Variants in MEI1 observed in about 807,000 individuals in gnomAD.
MEI1 encodes the protein meiotic double-stranded break formation protein 1.
In MEI1, 103 loss-of-function variants were observed where a neutral mutation model predicts 146.2. The ratio of observed to expected loss-of-function variants is 0.70; its 90% CI spans 0.60 to 0.83. The LOEUF (loss-of-function observed/expected upper bound fraction) is 0.83. Among genes scored for constraint, MEI1 ranks in the 40% least tolerant of loss-of-function variants. The pLI is 0.00. For missense variants in MEI1, 1,529 were observed against 1,533.0 expected (o/e 1.00, Z 0.04); for synonymous variants, 652 against 628.2 (o/e 1.04, Z -0.57).
chr22:41,787,324 TGA>T (rs1342783648), intron 26 of MEI1, among the ~76,000 whole-genome samples: 1 of 151,934 alleles, frequency 6.6e-6, no homozygotes, highest in African/African-American at 2.4e-5. Flanking sequence ...CATACAGCAA[TGA>T]GAGAGTTTTA....
intron 3 of MEI1, chr22:41,709,155 T>TA (rs2069336428): frequency 1.4e-6 from 1 of 727,076 alleles, no homozygotes; most frequent in African/African-American, 1.7e-5. Flanking sequence ...TAAAACTTGA[T>TA]AAAAAATAGT....
At chr22:41,796,962 T>G (rs1033859581) in intron 30 of MEI1, among the ~76,000 whole-genome samples, 1 of 151,978 alleles carries the variant, frequency 6.6e-6, no homozygotes, top group Non-Finnish European at 1.5e-5. Context: ...AAACAAAAAA[T>G]TTTGTTTCAT....
At chr22:41,798,965 T>A (rs150398293) in intron 30 of MEI1, among the ~76,000 whole-genome samples, 1 of 151,760 alleles carries the variant, frequency 6.6e-6, no homozygotes, top group Non-Finnish European at 1.5e-5. Context: ...GACACTGCAG[T>A]CCAGAGATAC....
chr22:41,732,125 C>A, intron 9 of MEI1, 120 bp from the exon 10 acceptor site: 1 of 700,280 alleles, frequency 1.4e-6, no homozygotes, highest in South Asian at 1.8e-5. Flanking sequence ...TTGTCAGGGT[C>A]CCTCCACGAG....
chr22:41,758,286 A>G, intron 17 of MEI1, 79 bp from the exon 18 acceptor site: 2 of 1,377,886 alleles, frequency 1.5e-6, no homozygotes, highest in South Asian at 1.3e-5. Context: ...AGTACTCTGC[A>G]TGTAGTAGGT....
Position 41,718,137 on chromosome 22 carries a change from G to A in MEI1, c.596G>A (p.Cys199Tyr), listed in dbSNP as rs2070385261. 6.2e-7 allele frequency: 1 copy of A among 1,613,802 alleles called. No individual in the cohort carries two copies. Among genetic ancestry groups the A allele is most frequent in the Non-Finnish European group, 8.5e-7 (1 of 1,179,878 alleles). ...YPSEGIQASVCYLYGKLYSSP... is the reference protein window; with the variant it reads ...YPSEGIQASVYYLYGKLYSSP... ...AGTGAGGGCATACAAGCTTCTGTCT[G>A]TTACCTTTATGGGAAGCTATACTCC... is the stretch of plus-strand genomic sequence containing the variant. The change falls in exon 6 of 31, where the codon TGT becomes TAT. Residue 199 changes from cysteine to tyrosine, a missense_variant. Physicochemically the swap from Cys to Tyr is radical, Grantham distance 194. Transcript: ENST00000401548.
At position 41,745,937 on chromosome 22, in the gene MEI1, G is replaced by C; in HGVS notation, c.1591G>C (p.Ala531Pro). The C allele has an allele frequency of 1.9e-6, 3 of 1,613,520 alleles. No homozygotes were observed. In the South Asian group the frequency reaches 3.3e-5, roughly 18 times the overall value. The change falls in exon 14 of 31, where the codon GCT (alanine) becomes CCT (proline). Residue 531 changes from alanine (A) to proline (P), a missense_variant. By Grantham distance (27) the Ala-to-Pro change is conservative. Around this residue, in one of 3 missense-constraint regions of MEI1, gnomAD observed 1,212 missense variants for 1,178.9 expected, o/e 1.03. Coordinates refer to ENST00000401548, the MANE Select transcript of MEI1 (RefSeq NM_152513.4). ...TTCAGCCCAGGAGAATCCATTCACAGCTCCCAGCGCCAAGAAGGAAGACAC... is the reference window on the plus strand; with the variant it reads ...TTCAGCCCAGGAGAATCCATTCACACCTCCCAGCGCCAAGAAGGAAGACAC... ...EPSAQENPFTAPSAKKEDTLE... is the reference protein window; with the variant it reads ...EPSAQENPFTPPSAKKEDTLE...
rs571759434 is a variant in MEI1, at chr22:41,777,538, T to C, written c.2711-1170T>C. On this transcript the variant is annotated intron_variant, in intron 21 of 30. Coordinates refer to ENST00000401548, the MANE Select transcript of MEI1 (RefSeq NM_152513.4). The stretch of plus-strand genomic sequence containing the variant: ...GAGGGTTTGGAAGTAGATTTAAAGG[T>C]GTCAAGAGGAGATGAGTTATTTCTT... Among the ~76,000 whole-genome samples, 314 of 152,226 alleles carry C rather than the reference T, an allele frequency of 2.1e-3. 1 individual carries two copies. The highest frequency in any genetic ancestry group is 2.8e-3 in the Non-Finnish European group (191 of 68,012).
intron 8 of MEI1, 91 bp downstream of exon 8, chr22:41,729,870 G>A (rs2071704471): frequency 2.8e-6 from 2 of 725,576 alleles, no homozygotes; most frequent in Admixed American, 3.6e-5. Flanking sequence ...TATGAACTAT[G>A]TCTCATAACA....
At chr22:41,775,142 T>C (rs1190164610) in intron 20 of MEI1, among the ~76,000 whole-genome samples, 2 of 152,214 alleles carry the variant, frequency 1.3e-5, no homozygotes, top group Non-Finnish European at 2.9e-5. Context: ...GCTTTCTGAC[T>C]GGCTTTGTCT....
At chr22:41,792,618 G>T (rs962360478) in intron 26 of MEI1, among the ~76,000 whole-genome samples, 15 of 152,142 alleles carry the variant, frequency 9.9e-5, no homozygotes, top group African/African-American at 3.4e-4. Context: ...AAGAAGGGCT[G>T]TGGGCACTGG....
rs556997024 is a variant in MEI1, at chr22:41,751,378, C to T, written c.1793-1213C>T. Among the ~76,000 whole-genome samples the T allele has an allele frequency of 2.0e-5, 3 of 152,188 alleles. No individual in the cohort carries two copies. The South Asian group carries it at 6.2e-4, about 31-fold the overall frequency. On this transcript the variant is annotated intron_variant, in intron 15 of 30. Coordinates refer to ENST00000401548, the MANE Select transcript of MEI1 (RefSeq NM_152513.4). ...GTCTTTATCTAGGATTCTGCTTTTACAGTGGCCCAGGGAAGGCAGAACAGA... is the reference window on the plus strand; with the variant it reads ...GTCTTTATCTAGGATTCTGCTTTTATAGTGGCCCAGGGAAGGCAGAACAGA...
rs551006116 is a variant in MEI1, at chr22:41,744,233, C to T, written c.1447-740C>T. Among the ~76,000 whole-genome samples the T allele has an allele frequency of 5.9e-5, 9 of 151,490 alleles. No individual in the cohort carries two copies. The East Asian group carries it at 1.7e-3, about 29-fold the overall frequency. On this transcript the variant is annotated intron_variant, in intron 12 of 30. Coordinates refer to ENST00000401548, the MANE Select transcript of MEI1 (RefSeq NM_152513.4). ...TTGCCCAGGCTGGAGTGCAGTGGTG[C>T]GATTTTGGCTCACTGCAACCTTCGC...
chr22:41,748,249 G>A (rs1238329894), intron 15 of MEI1, 31 bp downstream of exon 15: 2 of 1,442,668 alleles, frequency 1.4e-6, no homozygotes, highest in South Asian at 1.1e-5. Flanking sequence ...GAGGTTGGGA[G>A]GGAGGCAAGC....
At chr22:41,732,109 T>C in intron 9 of MEI1, 136 bp from the exon 10 acceptor site, 1 of 646,944 alleles carries the variant, frequency 1.5e-6, no homozygotes, top group Non-Finnish European at 2.7e-6. Flanking sequence ...TCCCATTAGC[T>C]CAATCTTGTC....
At chr22:41,781,430 G>A (rs1401441073) in intron 23 of MEI1, 36 bp downstream of exon 23, 1 of 1,517,592 alleles carries the variant, frequency 6.6e-7, no homozygotes, top group Non-Finnish European at 9.0e-7. Flanking sequence ...GAAGAGTGCT[G>A]GGCAGTCTGT....
At chr22:41,779,327 A>G (rs780271953) in intron 22 of MEI1, among the ~76,000 whole-genome samples, 11 of 152,048 alleles carry the variant, frequency 7.2e-5, no homozygotes, top group Non-Finnish European at 1.0e-4. Context: ...ATGCAGACCT[A>G]TATATAGTCC....
At chr22:41,783,480 C>T (rs955997866) in intron 24 of MEI1, among the ~76,000 whole-genome samples, 4 of 152,208 alleles carry the variant, frequency 2.6e-5, no homozygotes, top group East Asian at 1.9e-4. Context: ...TTAGTAGAGA[C>T]GGGGTTTCTC....
chr22:41,787,168 T>C (rs2076019877), intron 26 of MEI1, among the ~76,000 whole-genome samples: 1 of 152,238 alleles, frequency 6.6e-6, no homozygotes, highest in Non-Finnish European at 1.5e-5. Flanking sequence ...TTGTGTGTCC[T>C]TCCCCTTGTG....
Sources: allele counts gnomAD v4.1 joint callset (sites outside exome capture counted in the v4.1 genomes callset), GRCh38; gene constraint gnomAD v4.1.1; regional missense constraint gnomAD v4.1.1; transcripts MANE v1.5; gene names NCBI Gene and HGNC (gene_info 2026-07-23, HGNC 2026-07-21).